The following ITPR1 variants were observed in gnomAD, a reference collection of about 807,000 sequenced individuals.
ITPR1 encodes inositol 1,4,5-trisphosphate receptor type 1.
In ITPR1, 96 loss-of-function variants were observed where a neutral mutation model predicts 318.4. The observed-to-expected ratio is 0.30, with a 90% CI of 0.26 to 0.36. The LOEUF is 0.36. ITPR1 is among the 10% of genes least tolerant of loss of function. ITPR1 has a pLI of 1.00. For synonymous variants in ITPR1, 1,312 were observed against 1,289.9 expected (o/e 1.02, Z -0.37); for missense variants, 2,440 against 3,460.2 (o/e 0.71, Z 7.40).
At chr3:4,533,813 A>G (rs1337972266) in intron 4 of ITPR1, among the ~76,000 whole-genome samples, 1 of 152,222 alleles carries the variant, frequency 6.6e-6, no homozygotes, top group Non-Finnish European at 1.5e-5. Context: ...CCTTGATCAG[A>G]GCCTCAGTTA....
intron 20 of ITPR1, among the ~76,000 whole-genome samples, chr3:4,671,148 A>G (rs924163914): frequency 1.1e-4 from 16 of 152,200 alleles, no homozygotes; most frequent in Non-Finnish European, 5.9e-5. Flanking sequence ...TGCTTGCCTC[A>G]GTCCCTGGTG....
chr3:4,800,149 T>C (rs1446085912), intron 53 of ITPR1: 4 of 425,976 alleles, frequency 9.4e-6, no homozygotes, highest in Non-Finnish European at 8.3e-6. Context: ...AGGAAGGGGA[T>C]TGGGGGAGGC....
At chr3:4,721,495 G>A (rs1428338971) in intron 40 of ITPR1, among the ~76,000 whole-genome samples, 1 of 152,080 alleles carries the variant, frequency 6.6e-6, no homozygotes, top group African/African-American at 2.4e-5. Context: ...TGTTTTCTTA[G>A]TGTGGGTTTT....
At chr3:4,768,429 G>C (rs1251961335) in intron 45 of ITPR1, 82 bp from the exon 46 acceptor site, 1 of 1,446,918 alleles carries the variant, frequency 6.9e-7, no homozygotes, top group Admixed American at 2.5e-5. Context: ...AAGGAATGTA[G>C]GTTTCTGAGT....
At chr3:4,653,636 C>T (rs2093643735) in intron 11 of ITPR1, among the ~76,000 whole-genome samples, 1 of 152,154 alleles carries the variant, frequency 6.6e-6, no homozygotes, top group African/African-American at 2.4e-5. Context: ...TGAGAGCCGT[C>T]TCTTGGTGAC....
intron 60 of ITPR1, among the ~76,000 whole-genome samples, chr3:4,824,310 T>A (rs1385022257): frequency 6.6e-6 from 1 of 152,178 alleles, no homozygotes; most frequent in Non-Finnish European, 1.5e-5. Context: ...TCTCACTCAA[T>A]CCTCATCACA....
chr3:4,697,455 CTT>C lies in ITPR1; in HGVS notation c.4407+196_4407+197del, dbSNP rs369934199. ...CTTTCTTCTCATGTATCCTTTCTTCCTTTTTTTTTTTTTTGAGCTGGAGTCTT... is the reference window on the plus strand; with the variant it reads ...CTTTCTTCTCATGTATCCTTTCTTCCTTTTTTTTTTTTGAGCTGGAGTCTT... On this transcript the variant is annotated intron_variant, in intron 34 of 61. Coordinates refer to ENST00000649015, the MANE Select transcript of ITPR1 (RefSeq NM_001378452.1). 1.4e-4 allele frequency among the ~76,000 whole-genome samples: 12 copies of C among 86,690 alleles called. 1 individual carries two copies. Among genetic ancestry groups the C allele is most frequent in the Admixed American group, 3.6e-4 (3 of 8,262 alleles). The allele number at this position is 86,690 out of a possible 152,430, so 56.9% of individuals were successfully genotyped here. A position where few individuals can be genotyped will look rare whatever the true frequency, so the allele number is the denominator to read the frequency against.
chr3:4,804,131 C>T (rs1211360015), intron 54 of ITPR1, among the ~76,000 whole-genome samples: 1 of 152,222 alleles, frequency 6.6e-6, no homozygotes, highest in Non-Finnish European at 1.5e-5. Context: ...CTCGGCCTCC[C>T]AAAGTGCTGG....
chr3:4,789,701 C>T (rs1346669467), intron 52 of ITPR1, among the ~76,000 whole-genome samples: 1 of 152,134 alleles, frequency 6.6e-6, no homozygotes, highest in Non-Finnish European at 1.5e-5. Flanking sequence ...GTCACTGCAA[C>T]CTCCACCTCC....
intron 4 of ITPR1, among the ~76,000 whole-genome samples, chr3:4,623,137 C>G (rs138717748): frequency 6.6e-5 from 10 of 152,308 alleles, no homozygotes; most frequent in African/African-American, 2.4e-4. Context: ...TTGCTCCCAT[C>G]TCCTCTTAAG....
At chr3:4,663,487 A>G (rs2093882181) in intron 16 of ITPR1, among the ~76,000 whole-genome samples, 2 of 152,218 alleles carry the variant, frequency 1.3e-5, no homozygotes, top group African/African-American at 4.8e-5. Flanking sequence ...TGATTTTTCA[A>G]TAGACTATTT....
chr3:4,635,480 A>G (rs1219379912), intron 5 of ITPR1, among the ~76,000 whole-genome samples: 4 of 151,548 alleles, frequency 2.6e-5, no homozygotes, highest in Admixed American at 1.3e-4. Flanking sequence ...AGCTGGGACT[A>G]CAGGTGCCCG....
At chr3:4,494,023 G>A (rs981170546) in intron 1 of ITPR1, among the ~76,000 whole-genome samples, 6 of 151,904 alleles carry the variant, frequency 3.9e-5, no homozygotes, top group Non-Finnish European at 7.4e-5. Context: ...GGGGCCCCCC[G>A]TGGGGAGGGT....
chr3:4,717,377 T>C lies in ITPR1; in HGVS notation c.5114T>C (p.Ile1705Thr), dbSNP rs1367692445. The C allele has an allele frequency of 6.3e-7, 1 of 1,596,638 alleles. No individual in the cohort carries two copies. Among genetic ancestry groups the C allele is most frequent in the East Asian group, 2.2e-5 (1 of 44,870 alleles). ...DRGYGEKLIS[I>T]DELDNAELPP... Reference sequence around the variant, plus strand: ...TTTTTTCTTTTCCAGCTAATTTCCATTGATGAATTGGATAATGCTGAGGTC... The same window carrying C: ...TTTTTTCTTTTCCAGCTAATTTCCACTGATGAATTGGATAATGCTGAGGTC... Residue 1705 changes from isoleucine to threonine, a missense_variant, in exon 40 of 62, where the codon ATT becomes ACT. Around this residue, in one of 23 missense-constraint regions of ITPR1, gnomAD observed 166 missense variants for 143.7 expected, o/e 1.16. Coordinates refer to ENST00000649015, the MANE Select transcript of ITPR1 (RefSeq NM_001378452.1).
At position 4,783,877 on chromosome 3, in the gene ITPR1, A is replaced by G. The variant is rs1200988191; in HGVS notation, c.6572A>G (p.Asp2191Gly). The change falls in exon 51 of 62, where the codon GAT (aspartate) becomes GGT (glycine). Residue 2191 changes from aspartate to glycine, a missense_variant. By Grantham distance (94) the Asp-to-Gly change is moderately conservative. This residue lies in a region of ITPR1 where 115 missense variants were observed against 204.5 expected (regional missense o/e 0.56). Transcript: ENST00000649015. ...MLKPGGQVDGDEALEFYAKHT... is the reference protein window; with the variant it reads ...MLKPGGQVDGGEALEFYAKHT... Reference sequence around the variant, plus strand: ...AAACCTGGTGGCCAAGTGGACGGAGATGAAGCCCTGGAGTTTTATGCCAAG... The same window carrying G: ...AAACCTGGTGGCCAAGTGGACGGAGGTGAAGCCCTGGAGTTTTATGCCAAG... 1 of 1,610,576 alleles carries G rather than the reference A, an allele frequency of 6.2e-7. No homozygotes were observed. The highest frequency in any genetic ancestry group is 1.1e-5 in the South Asian group (1 of 89,986).
At chr3:4,787,694 G>C (rs1017566135) in intron 51 of ITPR1, among the ~76,000 whole-genome samples, 30 of 152,026 alleles carry the variant, frequency 2.0e-4, no homozygotes, top group African/African-American at 6.8e-4. Context: ...CAAGACTCCT[G>C]ACTCTGTCTC....
Position 4,779,577 on chromosome 3 carries a change from A to G in ITPR1, c.6319A>G (p.Ile2107Val). Reference sequence around the variant, plus strand: ...CAATGCCTCGAAGTTGCTCCTGGCCATCATGGAAAGCAGGCACGACAGTGA... The same window carrying G: ...CAATGCCTCGAAGTTGCTCCTGGCCGTCATGGAAAGCAGGCACGACAGTGA... Reference protein sequence around the residue: ...KNNASKLLLAIMESRHDSENA... With the variant: ...KNNASKLLLAVMESRHDSENA... Residue 2107 changes from isoleucine to valine, a missense_variant, in exon 49 of 62, where the codon ATC (isoleucine) becomes GTC (valine). Coordinates refer to ENST00000649015, the MANE Select transcript of ITPR1 (RefSeq NM_001378452.1). The surrounding 1 kb of genome is among the most constrained non-coding windows in gnomAD (Gnocchi z 4.0). 4 of 1,612,612 alleles carry G rather than the reference A, an allele frequency of 2.5e-6. No individual in the cohort carries two copies. The highest frequency in any genetic ancestry group is 3.4e-6 in the Non-Finnish European group (4 of 1,178,964).
At chr3:4,767,352 C>T (rs1380050047) in intron 45 of ITPR1, among the ~76,000 whole-genome samples, 1 of 152,268 alleles carries the variant, frequency 6.6e-6, no homozygotes, top group East Asian at 1.9e-4. Context: ...CATACCCCTA[C>T]TCCCAGAATA....
At chr3:4,498,184 G>A (rs1266495809) in intron 2 of ITPR1, among the ~76,000 whole-genome samples, 1 of 152,180 alleles carries the variant, frequency 6.6e-6, no homozygotes, top group Admixed American at 6.5e-5. Context: ...TTTCAAAGTG[G>A]TATATTTTAT....
Sources: allele counts gnomAD v4.1 joint callset (sites outside exome capture counted in the v4.1 genomes callset), GRCh38; gene constraint gnomAD v4.1.1; regional missense constraint gnomAD v4.1.1; non-coding constraint Gnocchi (gnomAD v3.1); transcripts MANE v1.5; gene names NCBI Gene and HGNC (gene_info 2026-07-23, HGNC 2026-07-21).